ADAMTS10: variants seen among roughly 807,000 people sequenced by gnomAD.
The protein encoded by ADAMTS10 is A disintegrin and metalloproteinase with thrombospondin motifs 10.
Under a neutral mutation model 135.9 loss-of-function variants are expected in ADAMTS10, and 48 were observed. That is an observed-to-expected ratio of 0.35 (90% CI 0.28 to 0.45). The LOEUF (loss-of-function observed/expected upper bound fraction) is 0.45. ADAMTS10 is among the 20% of genes least tolerant of loss of function. The pLI, the probability that ADAMTS10 is intolerant of heterozygous loss-of-function variation, is 1.00. For missense variants in ADAMTS10, 1,131 were observed against 1,565.2 expected (o/e 0.72, Z 4.68); for synonymous variants, 621 against 647.5 (o/e 0.96, Z 0.62).
At chr19:8,595,668 T>G in intron 12 of ADAMTS10, 94 bp downstream of exon 12, 62 of 1,172,334 alleles carry the variant, frequency 5.3e-5, no homozygotes, top group Non-Finnish European at 6.7e-5. Context: ...TCCCACCCCC[T>G]CACTTCCCAG....
intron 6 of ADAMTS10, among the ~76,000 whole-genome samples, chr19:8,597,973 C>T (rs145178657): frequency 6.6e-6 from 1 of 151,606 alleles, no homozygotes; most frequent in Non-Finnish European, 1.5e-5. Flanking sequence ...CCAGCCATGC[C>T]CGCCTAATTT....
At chr19:8,583,922 G>T (rs2042387059) in intron 25 of ADAMTS10, among the ~76,000 whole-genome samples, 1 of 152,078 alleles carries the variant, frequency 6.6e-6, no homozygotes, top group African/African-American at 2.4e-5. Context: ...ACTTTGGGAG[G>T]CCAAGGCCGG....
intron 18 of ADAMTS10, among the ~76,000 whole-genome samples, chr19:8,588,637 C>T (rs1308747754): frequency 6.6e-6 from 1 of 152,130 alleles, no homozygotes; most frequent in African/African-American, 2.4e-5. Context: ...TCTGAATATC[C>T]CCTCCCGTAG....
intron 24 of ADAMTS10, 23 bp downstream of exon 24, chr19:8,585,109 C>A (rs1441496204): frequency 2.7e-6 from 4 of 1,462,132 alleles, no homozygotes; most frequent in Non-Finnish European, 3.6e-6. Context: ...TGGCCCCCAC[C>A]CCTCTGGGGC....
At chr19:8,595,643 C>A in intron 12 of ADAMTS10, 119 bp downstream of exon 12, 1 of 1,510,432 alleles carries the variant, frequency 6.6e-7, no homozygotes, top group African/African-American at 1.4e-5. Context: ...CTCACCTCAC[C>A]CCCCTTCCCG....
intron 2 of ADAMTS10, 135 bp downstream of exon 2, chr19:8,607,999 C>CG (rs1568409393): frequency 6.6e-6 from 1 of 151,768 alleles, no homozygotes; most frequent in Non-Finnish European, 1.5e-5. Flanking sequence ...TTAGGAGAGA[C>CG]GGGGTTTCAC....
At chr19:8,587,332 C>CATTTTTT (rs1568394348) in intron 18 of ADAMTS10, among the ~76,000 whole-genome samples, 1 of 92,496 alleles carries the variant, frequency 1.1e-5, no homozygotes, top group African/African-American at 3.7e-5. Context: ...AACTAAAAAA[C>CATTTTTT]CTTTTTTTTT....
At chr19:8,606,919 A>G (rs1057132394) in intron 2 of ADAMTS10, among the ~76,000 whole-genome samples, 2 of 152,154 alleles carry the variant, frequency 1.3e-5, no homozygotes, top group African/African-American at 4.8e-5. Flanking sequence ...GAAGGTATCA[A>G]TGGGGAGACT....
At chr19:8,603,571 G>T (rs1361085817) in intron 5 of ADAMTS10, among the ~76,000 whole-genome samples, 157 bp downstream of exon 5, 1 of 152,140 alleles carries the variant, frequency 6.6e-6, no homozygotes, top group Admixed American at 6.6e-5. Flanking sequence ...ACTGCACCCG[G>T]CCGGAACTCC....
chr19:8,590,162 C>A (rs974855903), intron 15 of ADAMTS10, among the ~76,000 whole-genome samples, 171 bp from the exon 16 acceptor site: 1 of 151,946 alleles, frequency 6.6e-6, no homozygotes, highest in Non-Finnish European at 1.5e-5. Flanking sequence ...CTGGGCTGGG[C>A]GTGTAGACAC....
rs148566813 is a variant in ADAMTS10, at chr19:8,587,223, C to T, written c.2159-327G>A. Among the ~76,000 whole-genome samples the T allele has an allele frequency of 5.4e-3, 808 of 149,758 alleles. 14 individuals carry two copies. The highest frequency in any genetic ancestry group is 0.018 in the African/African-American group (745 of 40,788). On this transcript the variant is annotated intron_variant, in intron 18 of 25. Coordinates refer to ENST00000597188, the MANE Select transcript of ADAMTS10 (RefSeq NM_030957.4). Reference sequence around the variant, plus strand: ...CCAGGCTGGAGTGCAGTGAAGTGATCTTGGCTTGCTACAGCCTCAGACTCC... The same window carrying T: ...CCAGGCTGGAGTGCAGTGAAGTGATTTTGGCTTGCTACAGCCTCAGACTCC...
intron 13 of ADAMTS10, 22 bp downstream of exon 13, chr19:8,592,723 AGGGGGCGTGGCCCAGTTG>A (rs782193617): frequency 6.3e-7 from 1 of 1,578,016 alleles, no homozygotes. Flanking sequence ...GAGGTGGCTC[AGGGGGCGTGGCCCAGTTG>A]GGGGCCCTGG....
intron 1 of ADAMTS10, among the ~76,000 whole-genome samples, chr19:8,608,813 G>C (rs545641674): frequency 1.3e-5 from 2 of 152,060 alleles, no homozygotes; most frequent in Non-Finnish European, 2.9e-5. Flanking sequence ...CTCAGGTGGG[G>C]TGTGAGGGAC....
intron 4 of ADAMTS10, 129 bp from the exon 5 acceptor site, chr19:8,604,013 T>G: frequency 1.2e-5 from 12 of 967,132 alleles, no homozygotes; most frequent in Non-Finnish European, 1.8e-5. Flanking sequence ...TTTTTTTTTT[T>G]TGGCATAGGT....
chr19:8,608,727 A>ACCCCAGT (rs2042748450), intron 1 of ADAMTS10, among the ~76,000 whole-genome samples: 1 of 151,160 alleles, frequency 6.6e-6, no homozygotes, highest in African/African-American at 2.4e-5. Context: ...TCCCCCTAAG[A>ACCCCAGT]CCCTCAGTCC....
At chr19:8,584,873 C>T (rs1005172514) in intron 25 of ADAMTS10, 22 bp downstream of exon 25, 2 of 1,548,462 alleles carry the variant, frequency 1.3e-6, no homozygotes, top group Non-Finnish European at 1.7e-6. Context: ...TCCTGGCGCA[C>T]CCTGGCTGGT....
intron 15 of ADAMTS10, among the ~76,000 whole-genome samples, chr19:8,590,487 T>C (rs2042508518): frequency 6.6e-6 from 1 of 151,994 alleles, no homozygotes; most frequent in African/African-American, 2.4e-5. Flanking sequence ...AGACAGAGTT[T>C]CGCTCTCGTT....
At chr19:8,595,201 G>C (rs369243998) in intron 12 of ADAMTS10, among the ~76,000 whole-genome samples, 31 of 152,148 alleles carry the variant, frequency 2.0e-4, no homozygotes, top group African/African-American at 7.5e-4. Context: ...TCAGCTTCCT[G>C]GGGGGAGCTG....
At position 8,586,047 on chromosome 19, in the gene ADAMTS10, C is replaced by G. The variant is rs1227297945; in HGVS notation, c.2660+75G>C. 4 of 1,608,326 alleles carry G rather than the reference C, an allele frequency of 2.5e-6. No individual in the cohort carries two copies. In the African/African-American group the frequency reaches 5.3e-5, roughly 21 times the overall value. On this transcript the variant is annotated intron_variant, in intron 22 of 25. Transcript: ENST00000597188. ...CTGCACTAATCTGCTCCCCACCCCC[C>G]TGGAGCACTCGCTCTTGACTCCAGG...
Sources: allele counts gnomAD v4.1 joint callset (sites outside exome capture counted in the v4.1 genomes callset), GRCh38; gene constraint gnomAD v4.1.1; transcripts MANE v1.5; gene names NCBI Gene and HGNC (gene_info 2026-07-23, HGNC 2026-07-21).